The following HCN1 variants were observed in gnomAD, a reference collection of about 807,000 sequenced individuals.
The protein encoded by HCN1 is hyperpolarization activated cyclic nucleotide gated potassium channel 1, also known as potassium/sodium hyperpolarization-activated cyclic nucleotide-gated channel 1.
A neutral mutation model predicts 78.9 loss-of-function variants in HCN1; 13 were observed. The ratio of observed to expected loss-of-function variants is 0.16; its 90% confidence interval spans 0.11 to 0.26. The LOEUF is 0.26. Ranked by LOEUF, HCN1 falls within the 10% of genes least tolerant of loss-of-function variation. HCN1 has a pLI of 1.00. For synonymous variants in HCN1, 552 were observed against 455.5 expected, an observed-to-expected ratio of 1.21 and a Z score of -2.70; for missense variants, 810 against 1,154.3, an observed-to-expected ratio of 0.70 and a Z score of 4.32.
At chr5:45,311,949 C>T (rs897180961) in intron 5 of HCN1, among the ~76,000 whole-genome samples, 1 of 152,206 alleles carries the variant, frequency 6.6e-6, no homozygotes, top group East Asian at 1.9e-4. Flanking sequence ...ATGCTGCAAA[C>T]TATTTCCTCA....
chr5:45,295,834 T>C (rs1211430772), intron 6 of HCN1, among the ~76,000 whole-genome samples: 1 of 151,996 alleles, frequency 6.6e-6, no homozygotes, highest in Non-Finnish European at 1.5e-5. Flanking sequence ...ACTAGTATAG[T>C]ATAAAATTTG....
At chr5:45,497,069 A>C (rs1171959696) in intron 2 of HCN1, among the ~76,000 whole-genome samples, 5 of 152,138 alleles carry the variant, frequency 3.3e-5, no homozygotes, top group African/African-American at 7.2e-5. Flanking sequence ...TCTGAGAGAT[A>C]GTTTGTTATA....
At chr5:45,592,441 T>C (rs1744385888) in intron 2 of HCN1, among the ~76,000 whole-genome samples, 1 of 152,180 alleles carries the variant, frequency 6.6e-6, no homozygotes, top group Non-Finnish European at 1.5e-5. Context: ...GGAACTATAT[T>C]AGAGAAAGAA....
At chr5:45,546,971 A>G (rs1743244235) in intron 2 of HCN1, among the ~76,000 whole-genome samples, 2 of 151,868 alleles carry the variant, frequency 1.3e-5, no homozygotes, top group Non-Finnish European at 2.9e-5. Flanking sequence ...CCTCTCTTCT[A>G]TGTCTCTCAG....
intron 2 of HCN1, among the ~76,000 whole-genome samples, chr5:45,626,619 T>C (rs951154007): frequency 6.6e-6 from 1 of 152,086 alleles, no homozygotes; most frequent in Non-Finnish European, 1.5e-5. Flanking sequence ...TGAGCTAAGA[T>C]TGGGGAGGCA....
chr5:45,585,652 G>A (rs1744200561), intron 2 of HCN1, among the ~76,000 whole-genome samples: 1 of 152,084 alleles, frequency 6.6e-6, no homozygotes, highest in South Asian at 2.1e-4. Context: ...CCATCTTCAT[G>A]GTTTTATCTA....
chr5:45,441,546 T>C (rs1740681381), intron 3 of HCN1, among the ~76,000 whole-genome samples: 2 of 152,208 alleles, frequency 1.3e-5, no homozygotes, highest in Admixed American at 1.3e-4. Context: ...TGCAATACTC[T>C]ACCAAATCTT....
chr5:45,636,930 T>C lies in HCN1; in HGVS notation c.849+8255A>G, dbSNP rs1046295658. 2.6e-5 allele frequency among the ~76,000 whole-genome samples: 4 copies of C among 152,326 alleles called. No homozygotes were observed. In the South Asian group the frequency reaches 8.3e-4, roughly 32 times the overall value. ...CAATAAAGGGATAACAAACTCATTT[T>C]GAGATTTTTATATTTTAAATTCATA... is the stretch of plus-strand genomic sequence containing the variant. On this transcript the variant is annotated intron_variant, in intron 2 of 7. Transcript: ENST00000303230.
chr5:45,668,809 C>T (rs183714213), intron 1 of HCN1, among the ~76,000 whole-genome samples: 57 of 151,894 alleles, frequency 3.8e-4, no homozygotes, highest in Admixed American at 1.4e-3. Context: ...TTGCTCTTTC[C>T]CTTAAAACAA....
At chr5:45,468,235 G>T (rs1205958120) in intron 2 of HCN1, among the ~76,000 whole-genome samples, 1 of 152,056 alleles carries the variant, frequency 6.6e-6, no homozygotes, top group African/African-American at 2.4e-5. Flanking sequence ...AAACATTAGA[G>T]AAATATATGT....
intron 2 of HCN1, among the ~76,000 whole-genome samples, chr5:45,508,120 A>G (rs946264394): frequency 6.6e-6 from 1 of 152,174 alleles, no homozygotes; most frequent in African/African-American, 2.4e-5. Context: ...TTAAGCTTAA[A>G]AGCCTACTGT....
At chr5:45,659,902 T>G (rs1282541122) in intron 1 of HCN1, among the ~76,000 whole-genome samples, 2 of 142,618 alleles carry the variant, frequency 1.4e-5, no homozygotes, top group East Asian at 2.1e-4. Flanking sequence ...CCAGGAGAAC[T>G]TCCCCAATCT....
chr5:45,391,427 G>T (rs1739559060), intron 4 of HCN1, among the ~76,000 whole-genome samples: 1 of 152,074 alleles, frequency 6.6e-6, no homozygotes, highest in East Asian at 1.9e-4. Context: ...ATGAAGATGG[G>T]CTATAAAACA....
chr5:45,507,198 A>G (rs1742322760), intron 2 of HCN1, among the ~76,000 whole-genome samples: 1 of 152,220 alleles, frequency 6.6e-6, no homozygotes, highest in Non-Finnish European at 1.5e-5. Context: ...TCCCATTAAC[A>G]TGGACAACAA....
intron 6 of HCN1, among the ~76,000 whole-genome samples, chr5:45,271,156 C>G (rs1444180506): frequency 6.6e-6 from 1 of 152,126 alleles, no homozygotes; most frequent in Non-Finnish European, 1.5e-5. Flanking sequence ...GTTGCCATCT[C>G]AGTAAAACTT....
chr5:45,402,878 C>CTACTTCCT, intron 3 of HCN1, among the ~76,000 whole-genome samples: 4 of 129,944 alleles, frequency 3.1e-5, no homozygotes, highest in Non-Finnish European at 6.4e-5. Flanking sequence ...ACTTCCTTCC[C>CTACTTCCT]TCCCTCCCTC....
chr5:45,492,196 C>A (rs1307491683), intron 2 of HCN1, among the ~76,000 whole-genome samples: 2 of 151,470 alleles, frequency 1.3e-5, no homozygotes, highest in African/African-American at 2.4e-5. Context: ...TTAGAAGAAA[C>A]CCTTCAGTAC....
chr5:45,632,597 C>T (rs1405450499), intron 2 of HCN1, among the ~76,000 whole-genome samples: 1 of 151,950 alleles, frequency 6.6e-6, no homozygotes, highest in Non-Finnish European at 1.5e-5. Flanking sequence ...TATTATCTAA[C>T]CCGAAATTCT....
intron 1 of HCN1, among the ~76,000 whole-genome samples, chr5:45,667,496 G>A (rs970913564): frequency 5.9e-5 from 9 of 151,980 alleles, no homozygotes; most frequent in Non-Finnish European, 1.3e-4. Flanking sequence ...AAAGTAATGA[G>A]TTGAAAAACA....
Sources: gnomAD v4.1 joint callset for allele counts (sites outside exome capture counted in the v4.1 genomes callset) on GRCh38, gnomAD v4.1.1 for gene constraint, MANE v1.5 for transcripts, NCBI Gene and HGNC (gene_info 2026-07-23, HGNC 2026-07-21) for gene names.